MACF1: variants seen among roughly 807,000 people sequenced by gnomAD.
MACF1 encodes microtubule-actin cross-linking factor 1.
In MACF1, 193 loss-of-function variants were observed where a neutral mutation model predicts 854.8. The ratio of observed to expected loss-of-function variants is 0.23; its 90% CI spans 0.20 to 0.25. The LOEUF (loss-of-function observed/expected upper bound fraction) is 0.25. MACF1 is among the 10% of genes least tolerant of loss of function. MACF1 has a pLI of 1.00. For synonymous variants in MACF1, 3,185 were observed against 3,226.7 expected (o/e 0.99, Z 0.44); for missense variants, 7,722 against 8,929.1 (o/e 0.86, Z 5.45).
At chr1:39,099,337 A>G (rs1007898787) in intron 2 of MACF1, among the ~76,000 whole-genome samples, 2 of 152,132 alleles carry the variant, frequency 1.3e-5, no homozygotes, top group Non-Finnish European at 2.9e-5. Flanking sequence ...TTGTATTTTT[A>G]GTAGAGACGC....
At chr1:39,110,436 C>G (rs189189331) in intron 2 of MACF1, among the ~76,000 whole-genome samples, 2 of 151,784 alleles carry the variant, frequency 1.3e-5, no homozygotes, top group African/African-American at 4.8e-5. Flanking sequence ...AAAGGTCTCA[C>G]TATGTTGCCC....
At chr1:39,475,468 C>CAAAA (rs71691475) in intron 97 of MACF1, among the ~76,000 whole-genome samples, 16,781 of 120,622 alleles carry the variant, frequency 0.14, 1,475 homozygotes, top group Non-Finnish European at 0.19. Flanking sequence ...GACCCTGTCT[C>CAAAA]AAAAAAAAAA....
intron 38 of MACF1, among the ~76,000 whole-genome samples, chr1:39,339,411 C>A (rs984269185): frequency 6.6e-6 from 1 of 152,144 alleles, no homozygotes; most frequent in Non-Finnish European, 1.5e-5. Flanking sequence ...GAGGAGTCAG[C>A]CCTAGTAACT....
intron 87 of MACF1, among the ~76,000 whole-genome samples, chr1:39,453,171 A>C (rs1451760225): frequency 6.6e-6 from 1 of 152,102 alleles, no homozygotes; most frequent in Non-Finnish European, 1.5e-5. Context: ...CCCCAGCACC[A>C]CTTACTAAGC....
chr1:39,308,899 G>A (rs1376983353), intron 23 of MACF1, among the ~76,000 whole-genome samples: 2 of 151,994 alleles, frequency 1.3e-5, no homozygotes, highest in Admixed American at 1.3e-4. Flanking sequence ...CAGGTGATCT[G>A]CCCGCCTCAG....
intron 38 of MACF1, among the ~76,000 whole-genome samples, chr1:39,338,285 C>T (rs1460043572): frequency 6.7e-6 from 1 of 149,972 alleles, no homozygotes; most frequent in Non-Finnish European, 1.5e-5. Flanking sequence ...TGCATAAATT[C>T]ATAAAAGGGC....
At chr1:39,321,978 A>G (rs902182432) in intron 31 of MACF1, among the ~76,000 whole-genome samples, 2 of 152,222 alleles carry the variant, frequency 1.3e-5, no homozygotes, top group Non-Finnish European at 2.9e-5. Flanking sequence ...TACCGCACTT[A>G]TAAGGCTACT....
chr1:39,295,034 T>C lies in MACF1; in HGVS notation c.2155-12T>C. 6.2e-7 allele frequency: 1 copy of C among 1,603,292 alleles called. No homozygotes were observed. The highest frequency in any genetic ancestry group is 8.5e-7 in the Non-Finnish European group (1 of 1,170,256). ...AGAGTGCTTATGCTGTAAAATTGAATTCCATTTTCAGGAGTTGACAATGGA... is the reference window on the plus strand; with the variant it reads ...AGAGTGCTTATGCTGTAAAATTGAACTCCATTTTCAGGAGTTGACAATGGA... On this transcript the variant is annotated splice_polypyrimidine_tract_variant and intron_variant, in intron 18 of 100. Transcript: ENST00000564288.
At chr1:39,245,002 C>T (rs1012324308) in intron 2 of MACF1, among the ~76,000 whole-genome samples, 1 of 152,058 alleles carries the variant, frequency 6.6e-6, no homozygotes, top group African/African-American at 2.4e-5. Context: ...CATGAGCCAC[C>T]GTGCTTGGCC....
chr1:39,128,377 C>G (rs779192933), intron 2 of MACF1, among the ~76,000 whole-genome samples: 11 of 152,182 alleles, frequency 7.2e-5, no homozygotes, highest in Middle Eastern at 6.8e-3. Context: ...ACTGGGCTGC[C>G]TTACTTTTGA....
In MACF1 at chr1:39,347,128, A is replaced by G. The variant is rs760324317; in HGVS notation, c.10733A>G (p.Gln3578Arg). 1.1e-5 allele frequency: 17 copies of G among 1,614,040 alleles called. No individual in the cohort carries two copies. In the South Asian group the frequency reaches 1.4e-4, roughly 14 times the overall value. ...CTGAATGAACTGCAGAGGTCCTTCC[A>G]GGACATTTTGGAACAGACTGCCGCT... ...RLLNELQRSF[Q>R]DILEQTAAQV... The change falls in exon 41 of 101, where the codon CAG (glutamine) becomes CGG (arginine). Residue 3578 changes from glutamine to arginine, a missense_variant. By Grantham distance (43) the Gln-to-Arg change is conservative (BLOSUM62 1). This residue lies in a region of MACF1 where 854 missense variants were observed against 852.6 expected (regional missense o/e 1.00). Transcript: ENST00000564288.
intron 2 of MACF1, among the ~76,000 whole-genome samples, chr1:39,191,684 T>G (rs1644256648): frequency 6.6e-6 from 1 of 152,224 alleles, no homozygotes; most frequent in South Asian, 2.1e-4. Flanking sequence ...CTTTTTGTTT[T>G]ATCCAAAGTA....
chr1:39,301,437 A>AT (rs918294775), intron 22 of MACF1, among the ~76,000 whole-genome samples: 1 of 92,708 alleles, frequency 1.1e-5, no homozygotes, highest in Middle Eastern at 0.01. Context: ...ATTTTATTTT[A>AT]TTTTTTGAGA....
chr1:39,469,730 G>C, intron 97 of MACF1, 115 bp downstream of exon 97: 2 of 802,736 alleles, frequency 2.5e-6, no homozygotes, highest in Non-Finnish European at 4.2e-6. Flanking sequence ...ATGAATGCTT[G>C]AAATGGCCAA....
At chr1:39,193,249 G>C (rs544838946) in intron 2 of MACF1, among the ~76,000 whole-genome samples, 2 of 151,892 alleles carry the variant, frequency 1.3e-5, no homozygotes, top group East Asian at 3.8e-4. Context: ...GGCTACCAGA[G>C]TTTCCTGGAA....
intron 5 of MACF1, among the ~76,000 whole-genome samples, chr1:39,257,168 A>G (rs1200965140): frequency 6.6e-6 from 1 of 152,250 alleles, no homozygotes; most frequent in Non-Finnish European, 1.5e-5. Flanking sequence ...ATATCCTTCG[A>G]TGGATGAATG....
intron 1 of MACF1, among the ~76,000 whole-genome samples, chr1:39,215,921 T>C (rs930800179): frequency 3.3e-5 from 5 of 152,124 alleles, no homozygotes; most frequent in African/African-American, 1.2e-4. Context: ...GACTCAAAGA[T>C]GATCTGGGGT....
At chr1:39,422,110 A>T (rs1290478388) in intron 58 of MACF1, among the ~76,000 whole-genome samples, 3 of 152,036 alleles carry the variant, frequency 2.0e-5, no homozygotes, top group Non-Finnish European at 4.4e-5. Context: ...AACAGATTTT[A>T]AAAAAAAGAA....
intron 51 of MACF1, among the ~76,000 whole-genome samples, chr1:39,370,942 A>T (rs921277078): frequency 4.6e-5 from 7 of 152,314 alleles, no homozygotes; most frequent in Non-Finnish European, 1.0e-4. Context: ...ATGGTGTTCA[A>T]CAGATGTCAC....
Sources: gnomAD v4.1 joint callset for allele counts (sites outside exome capture counted in the v4.1 genomes callset) on GRCh38, gnomAD v4.1.1 for gene constraint, gnomAD v4.1.1 regional missense constraint, MANE v1.5 for transcripts, NCBI Gene and HGNC (gene_info 2026-07-23, HGNC 2026-07-21) for gene names.